The following PCDH9 variants were observed in gnomAD, a reference collection of about 807,000 sequenced individuals.
PCDH9 encodes protocadherin-9.
A neutral mutation model predicts 70.6 loss-of-function variants in PCDH9; 24 were observed. That is an observed-to-expected ratio of 0.34 (90% confidence interval 0.25 to 0.48). The LOEUF is 0.48. PCDH9 is among the 20% of genes least tolerant of loss of function. The pLI is 0.99. For synonymous variants in PCDH9, 562 were observed against 558.5 expected (o/e 1.01, Z -0.09); for missense variants, 1,281 against 1,503.6 (o/e 0.85, Z 2.45).
intron 2 of PCDH9, among the ~76,000 whole-genome samples, chr13:67,196,626 G>A (rs563839288): frequency 9.1e-4 from 138 of 152,132 alleles, no homozygotes; most frequent in Admixed American, 4.4e-3. Context: ...AGTTTTGTAC[G>A]TGTTCCAAAA....
At chr13:66,673,551 A>C (rs1304233902) in intron 3 of PCDH9, among the ~76,000 whole-genome samples, 1 of 152,164 alleles carries the variant, frequency 6.6e-6, no homozygotes. Context: ...AAGCCAGGGA[A>C]TGTCTGAGGC....
rs748357252 is a variant in PCDH9, at chr13:67,174,293, TGATA to T, written c.3036+51108_3036+51111del. Among the ~76,000 whole-genome samples, 1,122 of 148,984 alleles carry T rather than the reference TGATA, an allele frequency of 7.5e-3. 9 individuals are homozygous for T. The highest frequency in any genetic ancestry group is 0.013 in the African/African-American group (529 of 40,778). ...GATGATAGATAGCTAGATAGACAGA[TGATA>T]GATAGATAGATAGATAGATACATAC... On this transcript the variant is annotated intron_variant, in intron 2 of 4. Transcript: ENST00000377865.
At chr13:66,345,907 T>A (rs1428847887) in intron 4 of PCDH9, among the ~76,000 whole-genome samples, 2 of 152,156 alleles carry the variant, frequency 1.3e-5, no homozygotes, top group Non-Finnish European at 2.9e-5. Flanking sequence ...CAGTGAGCAA[T>A]TTGCAAAGGC....
intron 3 of PCDH9, among the ~76,000 whole-genome samples, chr13:66,708,119 G>A (rs958637324): frequency 1.3e-5 from 2 of 151,066 alleles, no homozygotes; most frequent in Admixed American, 6.6e-5. Flanking sequence ...GCGGGATCTC[G>A]GCTCACTGCA....
At chr13:66,869,795 C>T (rs897503996) in intron 3 of PCDH9, among the ~76,000 whole-genome samples, 11 of 152,078 alleles carry the variant, frequency 7.2e-5, no homozygotes, top group African/African-American at 2.7e-4. Context: ...TCCCTGTCAC[C>T]CTTTTCTTAC....
intron 4 of PCDH9, among the ~76,000 whole-genome samples, chr13:66,570,982 G>C (rs1204152200): frequency 6.6e-6 from 1 of 151,856 alleles, no homozygotes; most frequent in African/African-American, 2.4e-5. Context: ...ATAAATATCT[G>C]AATGAACTAT....
chr13:66,803,609 C>G (rs1344796441), intron 3 of PCDH9, among the ~76,000 whole-genome samples: 2 of 152,120 alleles, frequency 1.3e-5, no homozygotes, highest in African/African-American at 4.8e-5. Flanking sequence ...AGTACCAGGG[C>G]AGCAGGTTTT....
At chr13:66,491,898 A>T (rs1959039981) in intron 4 of PCDH9, among the ~76,000 whole-genome samples, 1 of 152,064 alleles carries the variant, frequency 6.6e-6, no homozygotes, top group Non-Finnish European at 1.5e-5. Context: ...GGACTGTGAT[A>T]CTGGTAGGCC....
intron 2 of PCDH9, chr13:67,218,022 C>A (rs560820294): frequency 6.6e-6 from 1 of 152,194 alleles, no homozygotes; most frequent in East Asian, 1.9e-4. Flanking sequence ...GGCTATAAAT[C>A]ACTCTAATGT....
At chr13:66,855,445 T>G (rs1425534688) in intron 3 of PCDH9, among the ~76,000 whole-genome samples, 2 of 152,182 alleles carry the variant, frequency 1.3e-5, no homozygotes, top group Admixed American at 1.3e-4. Flanking sequence ...CAATCTGCTG[T>G]GATGGGACCA....
At chr13:66,391,855 TTCTC>T (rs1385572649) in intron 4 of PCDH9, among the ~76,000 whole-genome samples, 53 of 141,950 alleles carry the variant, frequency 3.7e-4, no homozygotes, top group African/African-American at 8.5e-4. Flanking sequence ...GCTTCAATCA[TTCTC>T]TCTCTCTCTC....
rs768734539 is a variant in PCDH9 at position 67,226,474 on chromosome 13, G to A, written c.1967C>T (p.Ser656Phe). ...GTTGATAGTTACTTTTGCAGTAGAG[G>A]AACGAGGTGGTTGTCCTCCATCAGT... Reference protein sequence around the residue: ...KATDGGQPPRSSTAKVTINVM... With the variant: ...KATDGGQPPRFSTAKVTINVM... Residue 656 changes from serine to phenylalanine, a missense_variant, in exon 2 of 5, where the codon TCC (serine) becomes TTC (phenylalanine). Coordinates refer to ENST00000377865, the MANE Select transcript of PCDH9 (RefSeq NM_203487.3). The surrounding 1 kb of genome is among the most constrained non-coding windows in gnomAD (Gnocchi z 5.0). 2.5e-6 allele frequency: 4 copies of A among 1,613,878 alleles called. No homozygotes were observed. The African/African-American group carries it at 5.3e-5, about 22-fold the overall frequency.
chr13:67,033,395 T>C (rs1274670248), intron 2 of PCDH9, among the ~76,000 whole-genome samples: 1 of 152,192 alleles, frequency 6.6e-6, no homozygotes, highest in Non-Finnish European at 1.5e-5. Flanking sequence ...GCTGAGTTCA[T>C]GTGTCATAGA....
chr13:66,442,141 G>C (rs925650038), intron 4 of PCDH9, among the ~76,000 whole-genome samples: 1 of 152,134 alleles, frequency 6.6e-6, no homozygotes, highest in Non-Finnish European at 1.5e-5. Flanking sequence ...AGTGCACAAA[G>C]CATGGCTGTA....
chr13:66,855,546 TTAAC>T (rs1288966894), intron 3 of PCDH9, among the ~76,000 whole-genome samples: 1 of 152,034 alleles, frequency 6.6e-6, no homozygotes, highest in Non-Finnish European at 1.5e-5. Flanking sequence ...AAACAGCTCT[TTAAC>T]TGACAAAGTA....
intron 3 of PCDH9, among the ~76,000 whole-genome samples, chr13:66,740,049 A>G (rs1423725452): frequency 6.7e-6 from 1 of 150,358 alleles, no homozygotes; most frequent in African/African-American, 2.4e-5. Context: ...TTTTTTCAGC[A>G]CCACACCACA....
intron 4 of PCDH9, among the ~76,000 whole-genome samples, chr13:66,540,292 C>A (rs1960898890): frequency 6.6e-6 from 1 of 152,062 alleles, no homozygotes; most frequent in African/African-American, 2.4e-5. Flanking sequence ...CATGAAGGAA[C>A]CGCTGAAAAG....
chr13:67,009,788 A>G (rs2084419531), intron 2 of PCDH9, among the ~76,000 whole-genome samples: 1 of 151,914 alleles, frequency 6.6e-6, no homozygotes, highest in African/African-American at 2.4e-5. Flanking sequence ...CATTTAGTTA[A>G]GTTTTTTTTT....
intron 3 of PCDH9, among the ~76,000 whole-genome samples, chr13:66,833,813 C>T (rs1259570082): frequency 6.6e-6 from 1 of 152,056 alleles, no homozygotes; most frequent in East Asian, 1.9e-4. Context: ...GACGAAGAAA[C>T]CAGTTTTATA....
Sources: allele counts gnomAD v4.1 joint callset (sites outside exome capture counted in the v4.1 genomes callset), GRCh38; gene constraint gnomAD v4.1.1; non-coding constraint Gnocchi (gnomAD v3.1); transcripts MANE v1.5; gene names NCBI Gene and HGNC (gene_info 2026-07-23, HGNC 2026-07-21).